The following NEXMIF variants were observed in gnomAD, a reference collection of about 807,000 sequenced individuals.
NEXMIF encodes XLMR protein related to neurite extension.
NEXMIF carries 8 observed loss-of-function variants against 62.1 expected under a neutral mutation model. That is an observed-to-expected ratio of 0.13 (90% CI 0.08 to 0.23). The LOEUF (loss-of-function observed/expected upper bound fraction) is 0.23. Among genes scored for constraint, NEXMIF ranks in the 10% least tolerant of loss-of-function variants. NEXMIF has a pLI of 1.00. For synonymous variants in NEXMIF, 404 were observed against 416.6 expected (o/e 0.97, Z 0.37); for missense variants, 976 against 1,113.3 (o/e 0.88, Z 1.75).
At chrX:74,776,745 A>C (rs941959425) in intron 1 of NEXMIF, among the ~76,000 whole-genome samples, 2 of 103,675 alleles carry the variant, frequency 1.9e-5, no homozygotes, top group African/African-American at 7.1e-5. Flanking sequence ...AAAAAAAAAA[A>C]CAAACAAAAA....
chrX:74,919,969 A>G (rs1210073974), intron 1 of NEXMIF, among the ~76,000 whole-genome samples: 48 of 111,431 alleles, frequency 4.3e-4, no homozygotes, highest in East Asian at 2.9e-4. Flanking sequence ...CATTTTTTAT[A>G]GCTGCATAGT....
intron 1 of NEXMIF, among the ~76,000 whole-genome samples, chrX:74,855,778 T>G (rs745757939): frequency 3.6e-5 from 4 of 112,000 alleles, no homozygotes; most frequent in Admixed American, 9.5e-5. Context: ...GGAGATTTAT[T>G]GGTTCCAGGT....
intron 1 of NEXMIF, among the ~76,000 whole-genome samples, chrX:74,767,364 TGGC>T: frequency 8.9e-6 from 1 of 112,797 alleles, no homozygotes; most frequent in East Asian, 2.8e-4. Context: ...ACAGCAAAGA[TGGC>T]GGCCTGTCCC....
chrX:74,832,665 T>A (rs1349861452), intron 1 of NEXMIF, among the ~76,000 whole-genome samples: 4 of 112,039 alleles, frequency 3.6e-5, no homozygotes, highest in African/African-American at 9.7e-5. Flanking sequence ...ATTCTGGGTT[T>A]GGTTTGCTCT....
intron 1 of NEXMIF, among the ~76,000 whole-genome samples, chrX:74,871,171 T>C (rs1303387514): frequency 9.0e-6 from 1 of 111,156 alleles, no homozygotes; most frequent in Non-Finnish European, 1.9e-5. Context: ...TGTCGGCCGG[T>C]CTGAGAAATA....
intron 1 of NEXMIF, among the ~76,000 whole-genome samples, chrX:74,895,946 T>A (rs148163762): frequency 0.01 from 1,114 of 110,923 alleles, 13 homozygotes; most frequent in African/African-American, 0.035. Context: ...AGGAATCTTA[T>A]CTGCTCAATT....
At chrX:74,757,887 T>C (rs2080163995) in intron 1 of NEXMIF, among the ~76,000 whole-genome samples, 1 of 111,769 alleles carries the variant, frequency 8.9e-6, no homozygotes, top group African/African-American at 3.3e-5. Context: ...CAGTGCCTGA[T>C]GGGAAGTTTC....
Position 74,741,071 on chromosome X carries a change from T to C in NEXMIF, c.3486A>G (p.Pro1162=). 4 of 1,211,857 alleles carry C rather than the reference T, an allele frequency of 3.3e-6. No homozygotes were observed. Among genetic ancestry groups the C allele is most frequent in the Non-Finnish European group, 4.5e-6 (4 of 895,497 alleles). Residue 1162 remains proline, a synonymous_variant, in exon 3 of 4, where the codon CCA becomes CCG. Transcript: ENST00000055682. ...TGTTGTTGGTACTAATTTGACCAGATGGATCATTAAATGTTGACAGGCAAG... is the reference window on the plus strand; with the variant it reads ...TGTTGTTGGTACTAATTTGACCAGACGGATCATTAAATGTTGACAGGCAAG... ...KNPCLSTFND[P]SGQISTNNKV... is the part of the protein sequence containing the mutation.
At chrX:74,824,361 A>C in intron 1 of NEXMIF, among the ~76,000 whole-genome samples, 1 of 111,962 alleles carries the variant, frequency 8.9e-6, no homozygotes, top group East Asian at 2.8e-4. Flanking sequence ...AAGTGAAAAC[A>C]TGCGGTATTT....
In NEXMIF at chrX:74,743,992, C is replaced by T. The variant is rs1259482956; in HGVS notation, c.565G>A (p.Ala189Thr). 2.5e-6 allele frequency: 3 copies of T among 1,210,916 alleles called. No individual in the cohort carries two copies. The highest frequency in any genetic ancestry group is 3.4e-6 in the Non-Finnish European group (3 of 894,971). Reference sequence around the variant, plus strand: ...TCTCCATATTTCATATTTTCTCCAGCATTAATACACTGAATCCCTATATCA... The same window carrying T: ...TCTCCATATTTCATATTTTCTCCAGTATTAATACACTGAATCCCTATATCA... ...VSDIGIQCIN[A>T]GENMKYGEQL... is the part of the protein sequence containing the mutation. The change falls in exon 3 of 4, where the codon GCT becomes ACT. Residue 189 changes from alanine (A) to threonine (T), a missense_variant. Ala to Thr is a moderately conservative substitution (Grantham distance 58, BLOSUM62 0). This residue lies in a region of NEXMIF where 126 missense variants were observed against 146.5 expected (regional missense o/e 0.86). Coordinates refer to ENST00000055682, the MANE Select transcript of NEXMIF (RefSeq NM_001008537.3).
intron 1 of NEXMIF, among the ~76,000 whole-genome samples, chrX:74,918,952 T>G (rs953092625): frequency 1.8e-5 from 2 of 112,286 alleles, no homozygotes; most frequent in Admixed American, 1.9e-4. Flanking sequence ...ATTGAAAAAC[T>G]ATATACATAA....
rs1329756370 is a variant in NEXMIF at position 74,910,417 on chromosome X, T to C, written c.-48+14466A>G. On this transcript the variant is annotated intron_variant, in intron 1 of 3. Transcript: ENST00000055682. Reference sequence around the variant, plus strand: ...CCTTTGTTTTGGCCAATTTCTCCCATTTGGACAGATGTATTTACCCAATAC... The same window carrying C: ...CCTTTGTTTTGGCCAATTTCTCCCACTTGGACAGATGTATTTACCCAATAC... 3.6e-5 allele frequency among the ~76,000 whole-genome samples: 4 copies of C among 112,042 alleles called. No individual in the cohort carries two copies. In the Admixed American group the frequency reaches 3.8e-4, roughly 11 times the overall value.
intron 1 of NEXMIF, among the ~76,000 whole-genome samples, chrX:74,844,508 A>G (rs1284022397): frequency 9.0e-6 from 1 of 111,347 alleles, no homozygotes; most frequent in African/African-American, 3.3e-5. Flanking sequence ...ACCCCAAAAG[A>G]AAAAAGAACA....
intron 1 of NEXMIF, among the ~76,000 whole-genome samples, chrX:74,758,541 C>G (rs1391184644): frequency 2.7e-5 from 3 of 111,071 alleles, no homozygotes; most frequent in Non-Finnish European, 3.8e-5. Context: ...GTTACTTTTT[C>G]TGATCCTCTC....
intron 1 of NEXMIF, among the ~76,000 whole-genome samples, chrX:74,846,525 T>C (rs890381158): frequency 8.0e-5 from 9 of 112,203 alleles, no homozygotes; most frequent in Non-Finnish European, 1.7e-4. Flanking sequence ...TGTCTAGAAA[T>C]CCTGACATAT....
chrX:74,902,451 G>GA (rs894246427), intron 1 of NEXMIF, among the ~76,000 whole-genome samples: 3 of 110,480 alleles, frequency 2.7e-5, no homozygotes, highest in African/African-American at 9.9e-5. Context: ...GTTTTCAGGA[G>GA]AAAAAACAAC....
chrX:74,831,928 T>C (rs2080439063), intron 1 of NEXMIF, among the ~76,000 whole-genome samples: 1 of 112,513 alleles, frequency 8.9e-6, no homozygotes, highest in Non-Finnish European at 1.9e-5. Flanking sequence ...GATTTGTGTA[T>C]GCTGTACCAT....
Position 74,741,901 on chromosome X carries a change from T to C in NEXMIF, c.2656A>G (p.Arg886Gly). ...GTAGCCTTGTTGGGCCACACATTTCTATAGTTGCTTGATTCCATTTTGAAG... is the reference window on the plus strand; with the variant it reads ...GTAGCCTTGTTGGGCCACACATTTCCATAGTTGCTTGATTCCATTTTGAAG... ...HNFKMESSNY[R>G]NVWPNKATSG... The change falls in exon 3 of 4, where the codon AGA (arginine) becomes GGA (glycine). Residue 886 changes from arginine to glycine, a missense_variant. By Grantham distance (125) the Arg-to-Gly change is moderately radical. Coordinates refer to ENST00000055682, the MANE Select transcript of NEXMIF (RefSeq NM_001008537.3). 1 of 1,211,928 alleles carries C rather than the reference T, an allele frequency of 8.3e-7. No individual in the cohort carries two copies. Among genetic ancestry groups the C allele is most frequent in the Non-Finnish European group, 1.1e-6 (1 of 895,540 alleles).
intron 1 of NEXMIF, among the ~76,000 whole-genome samples, chrX:74,825,991 G>A (rs1176573684): frequency 8.9e-6 from 1 of 112,712 alleles, no homozygotes; most frequent in African/African-American, 3.2e-5. Context: ...GTGTACTTGT[G>A]TATTTATAAT....
Sources: allele counts gnomAD v4.1 joint callset (sites outside exome capture counted in the v4.1 genomes callset), GRCh38; gene constraint gnomAD v4.1.1; regional missense constraint gnomAD v4.1.1; transcripts MANE v1.5; gene names NCBI Gene and HGNC (gene_info 2026-07-23, HGNC 2026-07-21).